TENM3: variants seen among roughly 807,000 people sequenced by gnomAD.
The protein encoded by TENM3 is teneurin-3.
In TENM3, 63 loss-of-function variants were observed where a neutral mutation model predicts 255.1. The ratio of observed to expected loss-of-function variants is 0.25; its 90% CI spans 0.20 to 0.30. TENM3 has a LOEUF of 0.30. TENM3 is among the 10% of genes least tolerant of loss of function. The pLI is 1.00. For missense variants in TENM3, 2,929 were observed against 3,461.1 expected (o/e 0.85, Z 3.86); for synonymous variants, 1,306 against 1,322.3 (o/e 0.99, Z 0.27).
At chr4:181,905,183 G>A in the TENM3 span, among the ~76,000 whole-genome samples, 1 of 152,082 alleles carries the variant, frequency 6.6e-6, no homozygotes, top group Non-Finnish European at 1.5e-5. Context: ...CTTCTGTCTT[G>A]CCTTATTTTT....
At chr4:182,721,889 G>T (rs1483384753) in intron 13 of TENM3, among the ~76,000 whole-genome samples, 4 of 151,616 alleles carry the variant, frequency 2.6e-5, no homozygotes, top group African/African-American at 7.3e-5. Flanking sequence ...TATTTCCCTT[G>T]TTTTTTTCTA....
the TENM3 span, among the ~76,000 whole-genome samples, chr4:181,880,154 C>A: frequency 6.6e-6 from 1 of 152,104 alleles, no homozygotes; most frequent in Non-Finnish European, 1.5e-5. Context: ...CCTATACCAG[C>A]CAAAGGCACC....
intron 3 of TENM3, among the ~76,000 whole-genome samples, chr4:182,475,910 A>G (rs1733648925): frequency 1.3e-5 from 2 of 152,244 alleles, no homozygotes; most frequent in East Asian, 1.9e-4. Flanking sequence ...TCTAGGTACT[A>G]TCATATTCAA....
intron 3 of TENM3, among the ~76,000 whole-genome samples, chr4:182,574,220 A>G (rs1744697529): frequency 6.6e-6 from 1 of 152,102 alleles, no homozygotes; most frequent in South Asian, 2.1e-4. Context: ...TTTTAAAATG[A>G]CTTGTCATGT....
intron 1 of TENM3, among the ~76,000 whole-genome samples, chr4:182,153,747 A>G (rs1344474896): frequency 6.6e-6 from 1 of 152,130 alleles, no homozygotes; most frequent in Non-Finnish European, 1.5e-5. Context: ...TCAGATGGGA[A>G]TCTTAACATA....
intron 3 of TENM3, among the ~76,000 whole-genome samples, chr4:182,515,751 G>A (rs1336956923): frequency 6.6e-6 from 1 of 152,042 alleles, no homozygotes; most frequent in South Asian, 2.1e-4. Flanking sequence ...TAAGAGAAAT[G>A]GAATAAATTA....
the TENM3 span, among the ~76,000 whole-genome samples, chr4:181,570,883 A>G: frequency 6.6e-6 from 1 of 152,202 alleles, no homozygotes; most frequent in Non-Finnish European, 1.5e-5. Context: ...AGCCTCCGTG[A>G]AGTTCTGACC....
chr4:182,242,030 T>C (rs1359847669), upstream of TENM3, among the ~76,000 whole-genome samples: 1 of 150,866 alleles, frequency 6.6e-6, no homozygotes, highest in African/African-American at 2.5e-5. Flanking sequence ...CTCTTTTTTT[T>C]TTTTTATTTT....
At chr4:182,252,128 A>AGT (rs564825827) in intron 1 of TENM3, among the ~76,000 whole-genome samples, 4 of 152,080 alleles carry the variant, frequency 2.6e-5, no homozygotes, top group African/African-American at 9.6e-5. Flanking sequence ...GGTTGCAGTG[A>AGT]GTCAAGATTA....
At chr4:181,476,555 G>A in the TENM3 span, among the ~76,000 whole-genome samples, 2 of 152,154 alleles carry the variant, frequency 1.3e-5, no homozygotes, top group Non-Finnish European at 2.9e-5. Flanking sequence ...TCTGCAGGGT[G>A]AAAGGGGTGA....
the TENM3 span, among the ~76,000 whole-genome samples, chr4:181,797,116 A>T: frequency 6.7e-6 from 1 of 148,598 alleles, no homozygotes; most frequent in Admixed American, 6.7e-5. Context: ...TTCTTTGTAC[A>T]TGGGGATTTT....
intron 1 of TENM3, among the ~76,000 whole-genome samples, chr4:182,236,910 C>T (rs1162835177): frequency 2.0e-5 from 3 of 152,160 alleles, no homozygotes; most frequent in African/African-American, 4.8e-5. Flanking sequence ...TAAATGTGTG[C>T]CCTGGTGGTT....
At chr4:182,435,464 G>A (rs937874332) in intron 3 of TENM3, among the ~76,000 whole-genome samples, 16 of 152,212 alleles carry the variant, frequency 1.1e-4, no homozygotes, top group African/African-American at 3.9e-4. Flanking sequence ...AAAGACGGGG[G>A]ATCCTAGCCT....
At chr4:181,922,069 T>G in the TENM3 span, among the ~76,000 whole-genome samples, 1 of 152,192 alleles carries the variant, frequency 6.6e-6, no homozygotes, top group Admixed American at 6.5e-5. Context: ...CAGCCTTGCA[T>G]CCCAGGGATG....
chr4:182,187,472 G>T (rs964066879), intron 1 of TENM3, among the ~76,000 whole-genome samples: 1 of 152,006 alleles, frequency 6.6e-6, no homozygotes, highest in African/African-American at 2.4e-5. Flanking sequence ...TAGTAAATTC[G>T]CCAACTCTCC....
At chr4:182,303,057 TTTATGGGTGATTAG>T (rs1433355807) in intron 1 of TENM3, among the ~76,000 whole-genome samples, 1 of 152,070 alleles carries the variant, frequency 6.6e-6, no homozygotes, top group Non-Finnish European at 1.5e-5. Flanking sequence ...TGTAATAGGT[TTTATGGGTGATTAG>T]TTATGGGAAT....
chr4:181,879,925 T>C, the TENM3 span, among the ~76,000 whole-genome samples: 1 of 152,198 alleles, frequency 6.6e-6, no homozygotes, highest in Non-Finnish European at 1.5e-5. Context: ...ATTTTAAAAA[T>C]AAAATAAGTG....
At chr4:182,263,798 G>C (rs550610181) in intron 1 of TENM3, among the ~76,000 whole-genome samples, 2 of 152,168 alleles carry the variant, frequency 1.3e-5, no homozygotes, top group African/African-American at 2.4e-5. Flanking sequence ...AAACTCTTAA[G>C]TCAGAGGTTG....
At chr4:182,135,706 A>G in the TENM3 span, among the ~76,000 whole-genome samples, 2 of 152,198 alleles carry the variant, frequency 1.3e-5, no homozygotes, top group South Asian at 4.1e-4. Context: ...TGGCGGTGGT[A>G]TTGATGATGT....
Sources: gnomAD v4.1 joint callset for allele counts (sites outside exome capture counted in the v4.1 genomes callset) on GRCh38, gnomAD v4.1.1 for gene constraint, MANE v1.5 for transcripts, NCBI Gene and HGNC (gene_info 2026-07-23, HGNC 2026-07-21) for gene names.